The following HPS5 variants were observed in gnomAD, a reference collection of about 807,000 sequenced individuals.
HPS5 encodes the protein BLOC-2 complex member HPS5.
In HPS5, 83 loss-of-function variants were observed where a neutral mutation model predicts 128.0. That is an observed-to-expected ratio of 0.65 (90% CI 0.54 to 0.78). HPS5 has a LOEUF of 0.78. HPS5 is among the 30% of genes least tolerant of loss of function. The probability of loss-of-function intolerance (pLI) is 0.00; values close to 1 mark genes in which losing one functional copy is unlikely to be tolerated. For synonymous variants in HPS5, 475 were observed against 470.2 expected, an observed-to-expected ratio of 1.01 and a Z score of -0.13; for missense variants, 1,281 against 1,326.2, an observed-to-expected ratio of 0.97 and a Z score of 0.53.
intron 10 of HPS5, among the ~76,000 whole-genome samples, chr11:18,298,134 C>T (rs1861297601): frequency 6.7e-6 from 1 of 149,980 alleles, no homozygotes; most frequent in Admixed American, 6.6e-5. Context: ...GAACATAAAA[C>T]TTCAATGGTG....
intron 19 of HPS5, 49 bp downstream of exon 19, chr11:18,286,542 A>C (rs76467437): frequency 1.1e-6 from 1 of 888,950 alleles, no homozygotes; most frequent in Admixed American, 2.9e-5. Context: ...ATCCTGTCTC[A>C]AAAAAAAAAA....
chr11:18,286,624 C>A lies in HPS5; in HGVS notation c.2804G>T (p.Ser935Ile). Reference protein sequence around the residue: ...LLAVSLDAPPSTSTMDDEGYP... With the variant: ...LLAVSLDAPPITSTMDDEGYP... Reference sequence around the variant, plus strand: ...ACCTTCATCATCCATTGTGCTGGTGCTTGGTGGAGCATCAAGGGACACTGC... The same window carrying A: ...ACCTTCATCATCCATTGTGCTGGTGATTGGTGGAGCATCAAGGGACACTGC... The change falls in exon 19 of 23, where the codon AGC becomes ATC. Residue 935 changes from serine (S) to isoleucine (I), a missense_variant. Ser to Ile is a moderately radical substitution (Grantham distance 142, BLOSUM62 -2). Coordinates refer to ENST00000349215, the MANE Select transcript of HPS5 (RefSeq NM_181507.2). 1 of 1,613,974 alleles carries A rather than the reference C, an allele frequency of 6.2e-7. No individual in the cohort carries two copies. The highest frequency in any genetic ancestry group is 8.5e-7 in the Non-Finnish European group (1 of 1,179,986).
At chr11:18,296,256 A>C in intron 12 of HPS5, 134 bp from the exon 13 acceptor site, 1 of 862,810 alleles carries the variant, frequency 1.2e-6, no homozygotes, top group Non-Finnish European at 1.8e-6. Context: ...CTGACCCAGA[A>C]ACAAATGAGT....
At chr11:18,313,170 A>T (rs1761723411) in intron 2 of HPS5, among the ~76,000 whole-genome samples, 1 of 152,190 alleles carries the variant, frequency 6.6e-6, no homozygotes, top group African/African-American at 2.4e-5. Context: ...GATTGAAGGA[A>T]GTACATAGTT....
chr11:18,317,249 C>A (rs1382385453), intron 2 of HPS5, among the ~76,000 whole-genome samples: 1 of 142,048 alleles, frequency 7.0e-6, no homozygotes, highest in African/African-American at 2.5e-5. Context: ...CTTCTCCGGG[C>A]CTGATAAATT....
rs1430565110 is a variant in HPS5 at position 18,291,784 on chromosome 11, C to G, written c.2098G>C (p.Glu700Gln). 1 of 1,613,918 alleles carries G rather than the reference C, an allele frequency of 6.2e-7. No homozygotes were observed. The highest frequency in any genetic ancestry group is 8.5e-7 in the Non-Finnish European group (1 of 1,179,916). Residue 700 changes from glutamate (E) to glutamine (Q), a missense_variant, in exon 16 of 23, where the codon GAA (glutamate) becomes CAA (glutamine). Physicochemically the swap from Glu to Gln is conservative, Grantham distance 29. Transcript: ENST00000349215. ...KEKRDSLGNE[E>Q]SVDKTACECV... ...TCACATGCTGTTTTATCAACAGATTCTTCATTGCCTAAAGAGTCCCTTTTT... is the reference window on the plus strand; with the variant it reads ...TCACATGCTGTTTTATCAACAGATTGTTCATTGCCTAAAGAGTCCCTTTTT...
chr11:18,300,071 G>C (rs1277988867), intron 9 of HPS5, among the ~76,000 whole-genome samples: 1 of 152,126 alleles, frequency 6.6e-6, no homozygotes. Context: ...TAGCATTGTA[G>C]GATGACTATA....
chr11:18,313,851 T>C (rs1359152704), intron 2 of HPS5, among the ~76,000 whole-genome samples: 2 of 146,012 alleles, frequency 1.4e-5, no homozygotes, highest in Non-Finnish European at 3.0e-5. Flanking sequence ...GAAGTGGAGG[T>C]TGCAGTGAGC....
At position 18,296,048 on chromosome 11, in the gene HPS5, G is replaced by C. The variant is rs1861026989; in HGVS notation, c.1585C>G (p.Pro529Ala). 6.2e-7 allele frequency: 1 copy of C among 1,613,360 alleles called. No individual in the cohort carries two copies. Among genetic ancestry groups the C allele is most frequent in the Non-Finnish European group, 8.5e-7 (1 of 1,179,412 alleles). Residue 529 changes from proline to alanine, a missense_variant, in exon 13 of 23, where the codon CCA (proline) becomes GCA (alanine). Transcript: ENST00000349215. ...ETFLPFGIPL[P>A]FRSPSPLVSL... The stretch of plus-strand genomic sequence containing the variant: ...ACAAGAGGAGATGGAGAACGAAATG[G>C]TAATGGAATGCCGAACGGGAGAAAA...
At chr11:18,288,408 T>C (rs1860003761) in intron 16 of HPS5, among the ~76,000 whole-genome samples, 2 of 152,194 alleles carry the variant, frequency 1.3e-5, no homozygotes, top group South Asian at 4.1e-4. Flanking sequence ...AGAACTAGTA[T>C]TCCTACTCCA....
chr11:18,315,336 C>T (rs1486613049), intron 2 of HPS5, among the ~76,000 whole-genome samples: 1 of 152,188 alleles, frequency 6.6e-6, no homozygotes, highest in East Asian at 1.9e-4. Flanking sequence ...CCAAAGTGGG[C>T]CAGGCTCAAT....
chr11:18,304,880 C>T (rs1862170797), intron 8 of HPS5, among the ~76,000 whole-genome samples: 1 of 152,230 alleles, frequency 6.6e-6, no homozygotes, highest in African/African-American at 2.4e-5. Context: ...ACTTTTAGGG[C>T]AGCACTTTGT....
chr11:18,311,511 A>ATTATTT lies in HPS5; in HGVS notation c.220-61_220-60insAAATAA, dbSNP rs1554944989. On this transcript the variant is annotated intron_variant, in intron 3 of 22. Coordinates refer to ENST00000349215, the MANE Select transcript of HPS5 (RefSeq NM_181507.2). The stretch of plus-strand genomic sequence containing the variant: ...CAAGTTTTACATTATTATTATTATT[A>ATTATTT]TTTTTTTTTTTTTTTTTGAGACTGA... The ATTATTT allele has an allele frequency of 3.7e-3, 1,951 of 531,528 alleles. 6 individuals are homozygous for ATTATTT. The highest frequency in any genetic ancestry group is 5.2e-3 in the South Asian group (153 of 29,692). 32.9% of individuals were successfully genotyped at this position (531,528 alleles called of 1,614,324 possible). A position where few individuals can be genotyped will look rare whatever the true frequency, so the allele number is the denominator to read the frequency against.
intron 12 of HPS5, chr11:18,296,542 A>G (rs1423572747): frequency 1.7e-6 from 1 of 603,206 alleles, no homozygotes; most frequent in African/African-American, 1.9e-5. Flanking sequence ...CCTTTCTTTC[A>G]TAACCTTTCC....
intron 1 of HPS5, 133 bp downstream of exon 1, chr11:18,321,811 TCA>T (rs1164617420): frequency 6.6e-6 from 1 of 152,210 alleles, no homozygotes; most frequent in Admixed American, 6.5e-5. Flanking sequence ...GGCGACTGAC[TCA>T]TTTATACATT....
intron 6 of HPS5, among the ~76,000 whole-genome samples, chr11:18,307,935 T>A (rs539571931): frequency 6.6e-6 from 1 of 152,226 alleles, no homozygotes. Flanking sequence ...ACTTTAGTTA[T>A]GAAATAGGTA....
chr11:18,306,890 A>G (rs546251593), intron 6 of HPS5, among the ~76,000 whole-genome samples: 1 of 152,298 alleles, frequency 6.6e-6, no homozygotes, highest in Admixed American at 6.5e-5. Context: ...TATATAAAAG[A>G]GCTTAGTACA....
intron 14 of HPS5, among the ~76,000 whole-genome samples, chr11:18,293,590 A>C (rs957036237): frequency 2.0e-5 from 3 of 152,236 alleles, no homozygotes; most frequent in African/African-American, 7.2e-5. Flanking sequence ...TTAGAAAGAA[A>C]GGCATGCAAA....
intron 20 of HPS5, among the ~76,000 whole-genome samples, chr11:18,284,637 C>T (rs1859451727): frequency 6.6e-6 from 1 of 152,192 alleles, no homozygotes; most frequent in South Asian, 2.1e-4. Context: ...TTGTCACCCA[C>T]CACCTGGCCA....
Sources: allele counts gnomAD v4.1 joint callset (sites outside exome capture counted in the v4.1 genomes callset), GRCh38; gene constraint gnomAD v4.1.1; transcripts MANE v1.5; gene names NCBI Gene and HGNC (gene_info 2026-07-23, HGNC 2026-07-21).